Variants in PDE3A observed in about 807,000 individuals in gnomAD.
PDE3A encodes cGMP-inhibited 3',5'-cyclic phosphodiesterase 3A.
A neutral mutation model predicts 98.3 loss-of-function variants in PDE3A; 43 were observed. The observed-to-expected ratio is 0.44, with a 90% CI of 0.34 to 0.56. PDE3A has a LOEUF of 0.56. Ranked by LOEUF, PDE3A falls within the 20% of genes least tolerant of loss-of-function variation. The pLI is 0.01. For synonymous variants in PDE3A, 663 were observed against 567.9 expected, an observed-to-expected ratio of 1.17 and a Z score of -2.38; for missense variants, 1,427 against 1,440.7, an observed-to-expected ratio of 0.99 and a Z score of 0.15.
intron 15 of PDE3A, among the ~76,000 whole-genome samples, chr12:20,679,638 T>C (rs368418191): frequency 1.3e-5 from 2 of 152,088 alleles, no homozygotes; most frequent in East Asian, 1.9e-4. Flanking sequence ...GTGAATTAAA[T>C]TGATTGACAG....
intron 2 of PDE3A, among the ~76,000 whole-genome samples, chr12:20,610,944 T>C (rs989411000): frequency 3.3e-5 from 5 of 151,950 alleles, no homozygotes; most frequent in African/African-American, 1.2e-4. Context: ...AAGTAGCAGA[T>C]ATATAGGATG....
intron 10 of PDE3A, among the ~76,000 whole-genome samples, chr12:20,644,814 TCCTCCTCCTCCTCCTTCC>T (rs1371283342): frequency 2.7e-5 from 4 of 149,096 alleles, no homozygotes; most frequent in Admixed American, 6.7e-5. Context: ...GATTTGAGCC[TCCTCCTCCTCCTCCTTCC>T]CCTCCTCCTC....
chr12:20,497,382 T>A (rs1242867197), intron 1 of PDE3A, among the ~76,000 whole-genome samples: 1 of 151,584 alleles, frequency 6.6e-6, no homozygotes, highest in Non-Finnish European at 1.5e-5. Context: ...ATGTAATGAG[T>A]TCTTCATAAT....
chr12:20,455,248 C>T (rs531753103), intron 1 of PDE3A, among the ~76,000 whole-genome samples: 54 of 152,154 alleles, frequency 3.5e-4, no homozygotes, highest in African/African-American at 1.1e-3. Flanking sequence ...CTTGTGGCCA[C>T]GTGTACGTCT....
chr12:20,494,776 T>C (rs1447689426), intron 1 of PDE3A, among the ~76,000 whole-genome samples: 3 of 151,952 alleles, frequency 2.0e-5, no homozygotes, highest in Admixed American at 6.6e-5. Context: ...TTTTGCCCTG[T>C]AGTAGACAAT....
chr12:20,444,563 C>G (rs1050325908), intron 1 of PDE3A, among the ~76,000 whole-genome samples: 1 of 152,166 alleles, frequency 6.6e-6, no homozygotes, highest in Non-Finnish European at 1.5e-5. Context: ...TATGTAGCAG[C>G]TGGGTTAAGA....
At chr12:20,538,255 C>A (rs934207882) in intron 1 of PDE3A, among the ~76,000 whole-genome samples, 9 of 152,008 alleles carry the variant, frequency 5.9e-5, no homozygotes, top group African/African-American at 1.9e-4. Flanking sequence ...TTTATGGCTT[C>A]AGGATGTTGG....
At chr12:20,520,990 G>T (rs958619118) in intron 1 of PDE3A, among the ~76,000 whole-genome samples, 2 of 152,336 alleles carry the variant, frequency 1.3e-5, no homozygotes, top group Non-Finnish European at 2.9e-5. Flanking sequence ...CGTTCTTCAT[G>T]TCCTACAGTT....
chr12:20,530,171 T>G (rs1946598268), intron 1 of PDE3A, among the ~76,000 whole-genome samples: 2 of 152,318 alleles, frequency 1.3e-5, no homozygotes, highest in Admixed American at 1.3e-4. Flanking sequence ...CACAGTTGGT[T>G]AATGAAATCT....
At chr12:20,665,985 A>C (rs1565469222) in intron 15 of PDE3A, among the ~76,000 whole-genome samples, 1 of 114,274 alleles carries the variant, frequency 8.8e-6, no homozygotes, top group Non-Finnish European at 1.7e-5. Flanking sequence ...TTTTTTTGAG[A>C]CCGAGTCTCA....
chr12:20,485,945 C>G (rs758143055), intron 1 of PDE3A, among the ~76,000 whole-genome samples: 6 of 152,108 alleles, frequency 3.9e-5, no homozygotes, highest in African/African-American at 4.8e-5. Flanking sequence ...GACTAAGGAC[C>G]TTACTTCACT....
intron 1 of PDE3A, among the ~76,000 whole-genome samples, chr12:20,380,538 C>A (rs1045701467): frequency 1.3e-5 from 2 of 151,794 alleles, no homozygotes; most frequent in African/African-American, 4.8e-5. Flanking sequence ...AGAGAAGATA[C>A]AGTATTGTTA....
At chr12:20,474,169 T>A (rs1394162594) in intron 1 of PDE3A, among the ~76,000 whole-genome samples, 2 of 152,184 alleles carry the variant, frequency 1.3e-5, no homozygotes, top group Non-Finnish European at 2.9e-5. Flanking sequence ...AAATTTACTG[T>A]GGTTTTAATT....
intron 10 of PDE3A, among the ~76,000 whole-genome samples, chr12:20,641,244 C>T (rs997184249): frequency 5.9e-5 from 9 of 152,034 alleles, no homozygotes; most frequent in African/African-American, 1.9e-4. Context: ...CAGAGTAAGG[C>T]AGTTGGAGTA....
At chr12:20,517,469 T>A (rs765218248) in intron 1 of PDE3A, among the ~76,000 whole-genome samples, 2 of 152,210 alleles carry the variant, frequency 1.3e-5, no homozygotes, top group African/African-American at 2.4e-5. Flanking sequence ...TTATTCAGAA[T>A]GTTTTTTCTC....
intron 1 of PDE3A, among the ~76,000 whole-genome samples, chr12:20,432,348 G>A (rs993887941): frequency 1.3e-5 from 2 of 152,156 alleles, no homozygotes; most frequent in African/African-American, 4.8e-5. Flanking sequence ...TACAGTTTTG[G>A]TTATGCAAGA....
chr12:20,386,156 T>A (rs1943788629), intron 1 of PDE3A, among the ~76,000 whole-genome samples: 4 of 93,618 alleles, frequency 4.3e-5, no homozygotes, highest in Admixed American at 1.6e-4. Flanking sequence ...TATATATAAA[T>A]ATATATAAAT....
At chr12:20,649,587 G>A (rs1944867848) in intron 13 of PDE3A, among the ~76,000 whole-genome samples, 1 of 152,088 alleles carries the variant, frequency 6.6e-6, no homozygotes, top group African/African-American at 2.4e-5. Context: ...CAAATATTAA[G>A]TTATGACAAT....
intron 5 of PDE3A, among the ~76,000 whole-genome samples, chr12:20,623,214 T>C (rs1052557909): frequency 6.6e-6 from 1 of 151,934 alleles, no homozygotes; most frequent in African/African-American, 2.4e-5. Flanking sequence ...GTATAATAGA[T>C]TTTAGGAGAT....
Sources: gnomAD v4.1 joint callset for allele counts (sites outside exome capture counted in the v4.1 genomes callset) on GRCh38, gnomAD v4.1.1 for gene constraint, MANE v1.5 for transcripts, NCBI Gene and HGNC (gene_info 2026-07-23, HGNC 2026-07-21) for gene names.